Variants in MTUS1 observed in about 807,000 individuals in gnomAD.
The protein encoded by MTUS1 is microtubule associated scaffold protein 1.
A neutral mutation model predicts 120.8 loss-of-function variants in MTUS1; 109 were observed. The observed-to-expected ratio is 0.90, with a 90% confidence interval of 0.77 to 1.06. The LOEUF (loss-of-function observed/expected upper bound fraction) is 1.06. MTUS1 is among the 50% of genes least tolerant of loss of function. The pLI, the probability that MTUS1 is intolerant of heterozygous loss-of-function variation, is 0.00. For missense variants in MTUS1, 2,210 were observed against 1,486.3 expected (o/e 1.49, Z -8.01); for synonymous variants, 737 against 550.5 (o/e 1.34, Z -4.74).
intron 5 of MTUS1, among the ~76,000 whole-genome samples, chr8:17,714,433 C>G (rs890857873): frequency 6.6e-6 from 1 of 152,110 alleles, no homozygotes; most frequent in East Asian, 1.9e-4. Flanking sequence ...CAGGTTAACC[C>G]AGTAATTCCT....
intron 1 of MTUS1, among the ~76,000 whole-genome samples, chr8:17,765,644 T>A (rs1268222116): frequency 4.3e-5 from 6 of 138,514 alleles, no homozygotes; most frequent in Non-Finnish European, 7.7e-5. Context: ...AGACTAGCTG[T>A]CATCTATACT....
At chr8:17,709,978 G>A (rs567483777) in intron 6 of MTUS1, among the ~76,000 whole-genome samples, 8 of 151,218 alleles carry the variant, frequency 5.3e-5, no homozygotes, top group Non-Finnish European at 7.4e-5. Context: ...CTGCACTCCA[G>A]CCTGGGCGAC....
At chr8:17,713,405 G>C (rs1460229727) in intron 5 of MTUS1, among the ~76,000 whole-genome samples, 153 bp from the exon 6 acceptor site, 2 of 151,906 alleles carry the variant, frequency 1.3e-5, no homozygotes, top group African/African-American at 2.4e-5. Flanking sequence ...ACCAACTTTT[G>C]TCAAGTGCAT....
chr8:17,763,802 C>G (rs2049241758), intron 1 of MTUS1, among the ~76,000 whole-genome samples: 1 of 152,144 alleles, frequency 6.6e-6, no homozygotes, highest in African/African-American at 2.4e-5. Context: ...GCAGGTAATG[C>G]TGTGTGTTCC....
chr8:17,726,906 A>G (rs1378824824), intron 3 of MTUS1, among the ~76,000 whole-genome samples: 1 of 152,208 alleles, frequency 6.6e-6, no homozygotes, highest in African/African-American at 2.4e-5. Context: ...TTTGGAAATC[A>G]GCTTATTCTT....
chr8:17,788,834 A>C (rs533578366), intron 1 of MTUS1, among the ~76,000 whole-genome samples: 86 of 152,336 alleles, frequency 5.6e-4, no homozygotes, highest in African/African-American at 2.0e-3. Context: ...GAAAATCAGT[A>C]AAAAAGAACA....
chr8:17,645,636 C>A lies in MTUS1; in HGVS notation c.*290G>T. 1 of 270,382 alleles carries A rather than the reference C, an allele frequency of 3.7e-6. No homozygotes were observed. Among genetic ancestry groups the A allele is most frequent in the Non-Finnish European group, 6.9e-6 (1 of 145,538 alleles). 16.7% of individuals were successfully genotyped at this position (270,382 alleles called of 1,614,324 possible). ...TCCCCCTATGCTTAGGTGAAAAAGG[C>A]AATGAACAAGATGCTCTCGTTCTTT... On this transcript the variant is annotated 3_prime_UTR_variant, in exon 15 of 15. Coordinates refer to ENST00000693296, the MANE Select transcript of MTUS1 (RefSeq NM_001363059.2).
intron 1 of MTUS1, among the ~76,000 whole-genome samples, chr8:17,772,750 C>T (rs548373060): frequency 6.6e-6 from 1 of 152,176 alleles, no homozygotes; most frequent in South Asian, 2.1e-4. Flanking sequence ...CATTTCAGAT[C>T]ATCACTTTGT....
At chr8:17,784,295 GT>G (rs34896566) in intron 1 of MTUS1, among the ~76,000 whole-genome samples, 157 of 125,408 alleles carry the variant, frequency 1.3e-3, no homozygotes, top group Non-Finnish European at 1.8e-3. Context: ...TCTTACAACT[GT>G]TTTTTTTTTT....
At chr8:17,715,486 G>C (rs956357032) in intron 5 of MTUS1, among the ~76,000 whole-genome samples, 12 of 152,010 alleles carry the variant, frequency 7.9e-5, no homozygotes, top group African/African-American at 4.8e-5. Context: ...CACTATTCTA[G>C]AGCACTGTTT....
chr8:17,759,031 G>GC (rs1563341580), intron 1 of MTUS1, among the ~76,000 whole-genome samples: 1 of 151,942 alleles, frequency 6.6e-6, no homozygotes, highest in Non-Finnish European at 1.5e-5. Flanking sequence ...ACAGGCGCCC[G>GC]CCACCATGCC....
intron 6 of MTUS1, among the ~76,000 whole-genome samples, chr8:17,707,566 CAG>C (rs778169603): frequency 5.3e-5 from 8 of 152,156 alleles, no homozygotes; most frequent in African/African-American, 1.9e-4. Context: ...TTCAATGTAA[CAG>C]AAATTATTAG....
intron 2 of MTUS1, among the ~76,000 whole-genome samples, chr8:17,753,417 CTT>C (rs1424164239): frequency 6.6e-6 from 1 of 152,174 alleles, no homozygotes; most frequent in Non-Finnish European, 1.5e-5. Context: ...GTATCAGGCA[CTT>C]AAACTACTAA....
At chr8:17,715,738 C>T (rs764839135) in intron 5 of MTUS1, 29 bp downstream of exon 5, 4 of 1,582,376 alleles carry the variant, frequency 2.5e-6, no homozygotes, top group Middle Eastern at 1.7e-4. Context: ...GTCTTGCCCT[C>T]CCTCTTCAAA....
Position 17,754,824 on chromosome 8 carries a change from G to A in MTUS1, c.984C>T (p.Tyr328=). Residue 328 remains tyrosine (Y), a synonymous_variant, in exon 2 of 15, where the codon TAC becomes TAT. Coordinates refer to ENST00000693296, the MANE Select transcript of MTUS1 (RefSeq NM_001363059.2). ...GATTTTGGCCCATTTCCTTGTGCCT[G>A]TATGAGCTCTGTGAATGTGGTTCGC... is the stretch of plus-strand genomic sequence containing the variant. The part of the protein sequence containing the change: ...SNSEPHSQSS[Y]RHKEMGQNLR... The A allele has an allele frequency of 6.2e-7, 1 of 1,614,230 alleles. No homozygotes were observed. Among genetic ancestry groups the A allele is most frequent in the Non-Finnish European group, 8.5e-7 (1 of 1,180,044 alleles).
At chr8:17,664,186 T>C (rs949875207) in intron 8 of MTUS1, 6 of 152,104 alleles carry the variant, frequency 3.9e-5, no homozygotes, top group African/African-American at 9.7e-5. Flanking sequence ...TATGGTGGAG[T>C]GTACACTCAC....
chr8:17,687,429 G>C (rs1816059375), intron 6 of MTUS1, among the ~76,000 whole-genome samples: 1 of 152,090 alleles, frequency 6.6e-6, no homozygotes, highest in Non-Finnish European at 1.5e-5. Context: ...AATCCTGCAG[G>C]ATTCATTACT....
chr8:17,753,504 C>A (rs2048347103), intron 2 of MTUS1, among the ~76,000 whole-genome samples: 1 of 152,104 alleles, frequency 6.6e-6, no homozygotes, highest in Non-Finnish European at 1.5e-5. Flanking sequence ...ATACAAAATA[C>A]TGAAATTGAG....
chr8:17,676,613 G>T, intron 7 of MTUS1: 2 of 421,018 alleles, frequency 4.8e-6, no homozygotes, highest in South Asian at 1.3e-4. Context: ...GCATTAGACT[G>T]ATCGATTGCC....
Sources: gnomAD v4.1 joint callset for allele counts (sites outside exome capture counted in the v4.1 genomes callset) on GRCh38, gnomAD v4.1.1 for gene constraint, MANE v1.5 for transcripts, NCBI Gene and HGNC (gene_info 2026-07-23, HGNC 2026-07-21) for gene names.